Variants in KIF5B observed in about 807,000 individuals in gnomAD.
The protein encoded by KIF5B is kinesin family member 5B.
In KIF5B, 49 loss-of-function variants were observed where a neutral mutation model predicts 132.8. That is an observed-to-expected ratio of 0.37 (90% CI 0.29 to 0.47). KIF5B has a LOEUF of 0.47. Ranked by LOEUF, KIF5B falls within the 20% of genes least tolerant of loss-of-function variation. KIF5B has a pLI of 1.00. For missense variants in KIF5B, 780 were observed against 1,144.0 expected (o/e 0.68, Z 4.59); for synonymous variants, 355 against 369.4 (o/e 0.96, Z 0.45).
Position 32,023,006 on chromosome 10 carries a change from C to T in KIF5B, c.1756G>A (p.Glu586Lys), listed in dbSNP as rs1235384570. The change falls in exon 16 of 26, where the codon GAG (glutamate) becomes AAG (lysine). Residue 586 changes from glutamate (E) to lysine (K), a missense_variant. Coordinates refer to ENST00000302418, the MANE Select transcript of KIF5B (RefSeq NM_004521.3). ...QPEGTGMIDE[E>K]FTVARLYISK... is the part of the protein sequence containing the mutation. ...ATGTAGAGTCTTGCAACAGTGAACT[C>T]TTCATCTATCATGCCAGTTCCCTCA... The T allele has an allele frequency of 6.2e-7, 1 of 1,604,818 alleles. No homozygotes were observed. Among genetic ancestry groups the T allele is most frequent in the Non-Finnish European group, 8.5e-7 (1 of 1,174,496 alleles).
At position 32,056,102 on chromosome 10, in the gene KIF5B, G is replaced by T; in HGVS notation, c.-129C>A. ...GCAGCAGTCAGCTGCGCCGCGCTGC[G>T]CTTCCCCGGGTGGAGGCGGCCGGGG... On this transcript the variant is annotated 5_prime_UTR_variant, in exon 1 of 26. Transcript: ENST00000302418. 1 of 1,202,402 alleles carries T rather than the reference G, an allele frequency of 8.3e-7. No individual in the cohort carries two copies. The highest frequency in any genetic ancestry group is 1.1e-6 in the Non-Finnish European group (1 of 881,524). 74.5% of individuals were successfully genotyped at this position (1,202,402 alleles called of 1,614,324 possible).
intron 17 of KIF5B, 78 bp downstream of exon 17, chr10:32,022,062 C>A: frequency 1.4e-6 from 1 of 697,184 alleles, no homozygotes; most frequent in South Asian, 1.9e-5. Context: ...CTATTTCTTT[C>A]AGTGTGAATA....
chr10:32,024,146 C>CTTTTTTTTTTT (rs769483155), intron 15 of KIF5B, among the ~76,000 whole-genome samples: 3 of 69,744 alleles, frequency 4.3e-5, no homozygotes, highest in African/African-American at 1.8e-4. Context: ...ATGAAGAACT[C>CTTTTTTTTTTT]TTTTTTTTTT....
At chr10:32,046,494 G>A (rs1841612557) in intron 2 of KIF5B, among the ~76,000 whole-genome samples, 1 of 152,116 alleles carries the variant, frequency 6.6e-6, no homozygotes, top group African/African-American at 2.4e-5. Context: ...AAACAGTACT[G>A]GTGGTTTCAA....
In KIF5B at chr10:32,017,061, C is replaced by A; in HGVS notation, c.2761+82G>T. 5 of 1,131,180 alleles carry A rather than the reference C, an allele frequency of 4.4e-6. No individual in the cohort carries two copies. The South Asian group carries it at 6.4e-5, about 14-fold the overall frequency. 70.1% of individuals were successfully genotyped at this position (1,131,180 alleles called of 1,614,324 possible). ...TAGAGACAGATGCACCATGACAACACATAAAATTCGGATTACGTTTTCCAC... is the reference window on the plus strand; with the variant it reads ...TAGAGACAGATGCACCATGACAACAAATAAAATTCGGATTACGTTTTCCAC... On this transcript the variant is annotated intron_variant, in intron 24 of 25. Transcript: ENST00000302418.
intron 24 of KIF5B, among the ~76,000 whole-genome samples, chr10:32,015,877 C>T (rs972642145): frequency 3.3e-5 from 5 of 152,156 alleles, no homozygotes; most frequent in African/African-American, 1.2e-4. Flanking sequence ...CGTAGTGGCT[C>T]ATACCTGTGT....
At chr10:32,033,232 T>C (rs1016268425) in intron 12 of KIF5B, among the ~76,000 whole-genome samples, 12 of 152,294 alleles carry the variant, frequency 7.9e-5, no homozygotes, top group South Asian at 2.1e-4. Context: ...ATTGGTATCA[T>C]TGAGGCTCCC....
chr10:32,019,172 CTGAT>C (rs746947886), intron 20 of KIF5B, among the ~76,000 whole-genome samples: 20 of 152,130 alleles, frequency 1.3e-4, no homozygotes, highest in Non-Finnish European at 7.4e-5. Flanking sequence ...CAAAATGATA[CTGAT>C]TAATTATAGA....
intron 25 of KIF5B, among the ~76,000 whole-genome samples, chr10:32,014,787 G>C (rs757016339): frequency 1.3e-5 from 2 of 152,116 alleles, no homozygotes; most frequent in Non-Finnish European, 2.9e-5. Flanking sequence ...TGCATTTCTG[G>C]GAACCTTCTG....
intron 15 of KIF5B, among the ~76,000 whole-genome samples, chr10:32,023,428 T>G (rs1441818115): frequency 6.6e-6 from 1 of 152,186 alleles, no homozygotes; most frequent in Non-Finnish European, 1.5e-5. Context: ...AACAAGAGGA[T>G]GTTTAGGTGG....
Position 32,055,986 on chromosome 10 carries a change from C to T in KIF5B, c.-13G>A. 1.3e-6 allele frequency: 2 copies of T among 1,599,782 alleles called. No individual in the cohort carries two copies. Among genetic ancestry groups the T allele is most frequent in the Non-Finnish European group, 1.7e-6 (2 of 1,179,534 alleles). ...CCAGGTCCGCCATCTTTCTCGCAGC[C>T]GGGGCCGGCGGCCGGGAGCCACTCC... is the stretch of plus-strand genomic sequence containing the variant. On this transcript the variant is annotated 5_prime_UTR_variant, in exon 1 of 26. Transcript: ENST00000302418.
intron 24 of KIF5B, among the ~76,000 whole-genome samples, chr10:32,016,592 C>G (rs1290280827): frequency 6.6e-6 from 1 of 152,112 alleles, no homozygotes; most frequent in Non-Finnish European, 1.5e-5. Context: ...ATGGTGCAAT[C>G]TTGGCTCATT....
Position 32,023,032 on chromosome 10 carries a change from G to T in KIF5B, c.1730C>A (p.Pro577His). The T allele has an allele frequency of 6.5e-7, 1 of 1,546,886 alleles. No homozygotes were observed. The highest frequency in any genetic ancestry group is 8.8e-7 in the Non-Finnish European group (1 of 1,142,236). Reference sequence around the variant, plus strand: ...TTCATCTATCATGCCAGTTCCCTCAGGCTGCTGTAAGGAAAAAGTAAAATA... The same window carrying T: ...TTCATCTATCATGCCAGTTCCCTCATGCTGCTGTAAGGAAAAAGTAAAATA... ...IAVGNNDVKQ[P>H]EGTGMIDEEF... The change falls in exon 16 of 26, where the codon CCT (proline) becomes CAT (histidine). Residue 577 changes from proline to histidine, a missense_variant. By Grantham distance (77) the Pro-to-His change is moderately conservative. This residue lies in a region of KIF5B where 471 missense variants were observed against 569.9 expected (regional missense o/e 0.83). Transcript: ENST00000302418.
intron 1 of KIF5B, among the ~76,000 whole-genome samples, chr10:32,054,720 G>C (rs990098258): frequency 1.3e-5 from 2 of 152,156 alleles, no homozygotes; most frequent in Non-Finnish European, 2.9e-5. Flanking sequence ...TACCAACAAA[G>C]AGCAACATAA....
rs796312845 is a variant in KIF5B at position 32,010,673 on chromosome 10, A to G, written c.*864T>C. On this transcript the variant is annotated 3_prime_UTR_variant, in exon 26 of 26. Coordinates refer to ENST00000302418, the MANE Select transcript of KIF5B (RefSeq NM_004521.3). ...ACAAATTATTACCTGTCCAATACTT[A>G]TATTAGCTAGCAGGCTCACCAGAAT... 22 of 152,306 alleles carry G rather than the reference A, an allele frequency of 1.4e-4. 1 individual carries two copies. Among genetic ancestry groups the G allele is most frequent in the African/African-American group, 5.0e-4 (21 of 41,588 alleles). 9.4% of individuals were successfully genotyped at this position (152,306 alleles called of 1,614,324 possible).
At chr10:32,054,328 C>T (rs1269007712) in intron 1 of KIF5B, among the ~76,000 whole-genome samples, 2 of 152,196 alleles carry the variant, frequency 1.3e-5, no homozygotes, top group African/African-American at 4.8e-5. Flanking sequence ...CTCTGCCGGG[C>T]TATGATGTCA....
chr10:32,017,295 G>A lies in KIF5B; in HGVS notation c.2609C>T (p.Thr870Ile). 6.2e-7 allele frequency: 1 copy of A among 1,614,162 alleles called. No homozygotes were observed. The highest frequency in any genetic ancestry group is 1.1e-5 in the South Asian group (1 of 91,082). ...LPKLEKRLRA[T>I]AERVKALESA... ...TTCCAAAGCTTTCACTCTCTCAGCT[G>A]TAGCTCGAAGTCGCTTTTCCAACTT... The change falls in exon 24 of 26, where the codon ACA (threonine) becomes ATA (isoleucine). Residue 870 changes from threonine to isoleucine, a missense_variant. Physicochemically the swap from Thr to Ile is moderately conservative, Grantham distance 89. Transcript: ENST00000302418.
At position 32,009,812 on chromosome 10, in the gene KIF5B, A is replaced by G. The variant is rs1379411756; in HGVS notation, c.*1725T>C. ...GCAGCACTTTTTTTGCTTGTTAACT[A>G]TATTACTTATAACTGGCTGCACCAA... On this transcript the variant is annotated 3_prime_UTR_variant, in exon 26 of 26. Coordinates refer to ENST00000302418, the MANE Select transcript of KIF5B (RefSeq NM_004521.3). 1 of 152,144 alleles carries G rather than the reference A, an allele frequency of 6.6e-6. No homozygotes were observed. The highest frequency in any genetic ancestry group is 1.5e-5 in the Non-Finnish European group (1 of 68,006). 9.4% of individuals were successfully genotyped at this position (152,144 alleles called of 1,614,324 possible).
Position 32,015,615 on chromosome 10 carries a change from G to A in KIF5B, c.2806C>T (p.His936Tyr). Reference protein sequence around the residue: ...PGQHPAASPTHPSAIRGGGAF... With the variant: ...PGQHPAASPTYPSAIRGGGAF... ...CCTCCTCCACGAATTGCACTTGGGT[G>A]AGTTGGAGAAGCTGCTGGATGTTGC... is the stretch of plus-strand genomic sequence containing the variant. Residue 936 changes from histidine to tyrosine, a missense_variant, in exon 25 of 26, where the codon CAC becomes TAC. By Grantham distance (83) the His-to-Tyr change is moderately conservative. Around this residue, in one of 9 missense-constraint regions of KIF5B, gnomAD observed 90 missense variants for 101.8 expected, o/e 0.88. Coordinates refer to ENST00000302418, the MANE Select transcript of KIF5B (RefSeq NM_004521.3). 6.2e-7 allele frequency: 1 copy of A among 1,613,654 alleles called. No individual in the cohort carries two copies. The highest frequency in any genetic ancestry group is 8.5e-7 in the Non-Finnish European group (1 of 1,179,662).
Sources: allele counts gnomAD v4.1 joint callset (sites outside exome capture counted in the v4.1 genomes callset), GRCh38; gene constraint gnomAD v4.1.1; regional missense constraint gnomAD v4.1.1; transcripts MANE v1.5; gene names NCBI Gene and HGNC (gene_info 2026-07-23, HGNC 2026-07-21).